The following CACNA1E variants were observed in gnomAD, a reference collection of about 807,000 sequenced individuals.
CACNA1E encodes voltage-dependent R-type calcium channel subunit alpha-1E.
Under a neutral mutation model 259.2 loss-of-function variants are expected in CACNA1E, and 40 were observed. That is an observed-to-expected ratio of 0.15 (90% CI 0.12 to 0.20). CACNA1E has a LOEUF of 0.20. Among genes scored for constraint, CACNA1E ranks in the 10% least tolerant of loss-of-function variants. The probability of loss-of-function intolerance (pLI) is 1.00; values close to 1 mark genes in which losing one functional copy is unlikely to be tolerated. For missense variants in CACNA1E, 1,874 were observed against 3,040.1 expected (o/e 0.62, Z 9.02); for synonymous variants, 1,104 against 1,138.5 (o/e 0.97, Z 0.61).
At chr1:181,729,239 G>T (rs894702947) in intron 18 of CACNA1E, among the ~76,000 whole-genome samples, 20 of 151,124 alleles carry the variant, frequency 1.3e-4, no homozygotes, top group African/African-American at 4.6e-4. Context: ...TGTGTGCCCT[G>T]CACAGATGTG....
At chr1:181,550,619 G>C (rs1301075575) in intron 3 of CACNA1E, among the ~76,000 whole-genome samples, 2 of 152,182 alleles carry the variant, frequency 1.3e-5, no homozygotes, top group Non-Finnish European at 2.9e-5. Flanking sequence ...GTTTCCAGAA[G>C]GGAATGGTTA....
At chr1:181,634,766 C>T (rs942140012) in intron 6 of CACNA1E, among the ~76,000 whole-genome samples, 1 of 152,144 alleles carries the variant, frequency 6.6e-6, no homozygotes, top group South Asian at 2.1e-4. Context: ...CTATCAGAGC[C>T]TCCAACCTTG....
chr1:181,469,413 A>G (rs1662352188), intron 2 of CACNA1E, among the ~76,000 whole-genome samples: 1 of 152,210 alleles, frequency 6.6e-6, no homozygotes, highest in Non-Finnish European at 1.5e-5. Context: ...ACAGCATTAG[A>G]GACCTAGGAG....
At chr1:181,523,068 GAGAGACTCA>G (rs1667107622) in intron 3 of CACNA1E, among the ~76,000 whole-genome samples, 1 of 152,228 alleles carries the variant, frequency 6.6e-6, no homozygotes, top group African/African-American at 2.4e-5. Context: ...TGGTGTGTAT[GAGAGACTCA>G]TTCTGACCAA....
At chr1:181,386,737 C>T (rs955489050) in intron 1 of CACNA1E, among the ~76,000 whole-genome samples, 7 of 152,194 alleles carry the variant, frequency 4.6e-5, no homozygotes, top group African/African-American at 1.7e-4. Flanking sequence ...ATTGTCTGCT[C>T]ATCATATCCA....
rs1663666712 is a variant in CACNA1E, at chr1:181,485,029, G to C, written c.266+1019G>C. Among the ~76,000 whole-genome samples, 1 of 152,236 alleles carries C rather than the reference G, an allele frequency of 6.6e-6. No homozygotes were observed. Among genetic ancestry groups the C allele is most frequent in the South Asian group, 2.1e-4 (1 of 4,832 alleles). On this transcript the variant is annotated intron_variant, in intron 1 of 47. Transcript: ENST00000367573. The surrounding 1 kb of genome is among the most constrained non-coding windows in gnomAD (Gnocchi z 4.2). ...CCTTGTTCTTCACTAAGGATTGGAC[G>C]CCTGGCAAGGCCATTGGGAATTGGG...
chr1:181,455,649 A>G (rs963490836), intron 2 of CACNA1E, among the ~76,000 whole-genome samples: 1 of 152,206 alleles, frequency 6.6e-6, no homozygotes, highest in Non-Finnish European at 1.5e-5. Flanking sequence ...CTAGTCTTTC[A>G]TCTGCTCAAG....
At chr1:181,493,642 G>A (rs879524941) in intron 1 of CACNA1E, among the ~76,000 whole-genome samples, 1 of 152,166 alleles carries the variant, frequency 6.6e-6, no homozygotes, top group African/African-American at 2.4e-5. Context: ...TTTTGGTGAT[G>A]ATAGACATGG....
intron 21 of CACNA1E, among the ~76,000 whole-genome samples, 185 bp from the exon 22 acceptor site, chr1:181,736,090 T>C (rs1656003840): frequency 6.6e-6 from 1 of 152,088 alleles, no homozygotes; most frequent in African/African-American, 2.4e-5. Flanking sequence ...AGGGTAAAAA[T>C]AAGAAGAGAA....
intron 25 of CACNA1E, among the ~76,000 whole-genome samples, chr1:181,748,071 A>C (rs1657262251): frequency 1.3e-5 from 2 of 152,234 alleles, no homozygotes; most frequent in South Asian, 4.1e-4. Context: ...ATAGCTTTTC[A>C]ATGGCTCCTC....
At chr1:181,734,649 G>C (rs1404799240) in intron 21 of CACNA1E, among the ~76,000 whole-genome samples, 5 of 127,610 alleles carry the variant, frequency 3.9e-5, no homozygotes, top group Non-Finnish European at 6.5e-5. Context: ...CCTCATCCCT[G>C]CATTATGAAT....
At chr1:181,503,668 G>C (rs1343348484) in intron 1 of CACNA1E, among the ~76,000 whole-genome samples, 1 of 152,224 alleles carries the variant, frequency 6.6e-6, no homozygotes, top group Non-Finnish European at 1.5e-5. Flanking sequence ...GATTGAGTTA[G>C]TAGGATACTG....
At chr1:181,558,247 C>T (rs150205372) in intron 3 of CACNA1E, among the ~76,000 whole-genome samples, 2 of 152,272 alleles carry the variant, frequency 1.3e-5, no homozygotes, top group East Asian at 3.9e-4. Context: ...GAGCTTCGCC[C>T]AGGAACACTG....
At chr1:181,527,692 A>C (rs1667465647) in intron 3 of CACNA1E, among the ~76,000 whole-genome samples, 1 of 152,202 alleles carries the variant, frequency 6.6e-6, no homozygotes, top group Non-Finnish European at 1.5e-5. Context: ...TACCTTCAGT[A>C]AATAGATCCT....
At chr1:181,526,899 T>A (rs935075306) in intron 3 of CACNA1E, among the ~76,000 whole-genome samples, 3 of 152,222 alleles carry the variant, frequency 2.0e-5, no homozygotes, top group Non-Finnish European at 2.9e-5. Context: ...TTTTCAACAA[T>A]AGTACCTGCT....
chr1:181,468,528 G>A (rs140314726), intron 2 of CACNA1E, among the ~76,000 whole-genome samples: 5 of 152,206 alleles, frequency 3.3e-5, no homozygotes, highest in Non-Finnish European at 5.9e-5. Flanking sequence ...CATGTATTCA[G>A]AGTCCACTAG....
chr1:181,492,118 C>T (rs1355802905), intron 1 of CACNA1E, among the ~76,000 whole-genome samples: 1 of 152,118 alleles, frequency 6.6e-6, no homozygotes, highest in East Asian at 1.9e-4. Flanking sequence ...CAGGCTTTCT[C>T]ACGGAAAACA....
chr1:181,675,829 G>A (rs574758894), intron 7 of CACNA1E, among the ~76,000 whole-genome samples: 1 of 152,282 alleles, frequency 6.6e-6, no homozygotes, highest in Non-Finnish European at 1.5e-5. Flanking sequence ...AGCCTCCCGG[G>A]CTCTGGACAA....
At chr1:181,662,179 C>T (rs558568821) in intron 7 of CACNA1E, among the ~76,000 whole-genome samples, 2 of 152,248 alleles carry the variant, frequency 1.3e-5, no homozygotes, top group African/African-American at 4.8e-5. Context: ...TCTGCATTTC[C>T]CCAAGACACT....
Sources: gnomAD v4.1 joint callset for allele counts (sites outside exome capture counted in the v4.1 genomes callset) on GRCh38, gnomAD v4.1.1 for gene constraint, Gnocchi (gnomAD v3.1) non-coding constraint, MANE v1.5 for transcripts, NCBI Gene and HGNC (gene_info 2026-07-23, HGNC 2026-07-21) for gene names.